Variants in EVI2B observed in about 807,000 individuals in gnomAD.
EVI2B encodes ecotropic viral integration site 2B.
A neutral mutation model predicts 6.6 loss-of-function variants in EVI2B; 4 were observed. The observed-to-expected ratio is 0.61, with a 90% CI of 0.30 to 1.39. EVI2B has a LOEUF of 1.39. EVI2B is among the 40% of genes most tolerant of loss of function. The pLI is 0.08. For synonymous variants in EVI2B, 181 were observed against 186.8 expected (o/e 0.97, Z 0.25); for missense variants, 484 against 516.6 (o/e 0.94, Z 0.61).
Position 31,304,049 on chromosome 17 carries a change from T to G in EVI2B, c.*214A>C. 2 of 452,238 alleles carry G rather than the reference T, an allele frequency of 4.4e-6. No individual in the cohort carries two copies. The highest frequency in any genetic ancestry group is 7.8e-6 in the Non-Finnish European group (2 of 257,614). 28.0% of individuals were successfully genotyped at this position (452,238 alleles called of 1,614,324 possible). A position where few individuals can be genotyped will look rare whatever the true frequency, so the allele number is the denominator to read the frequency against. On this transcript the variant is annotated 3_prime_UTR_variant, in exon 2 of 2. Transcript: ENST00000330927. ...TACATATGTAAAATGTACTATACTT[T>G]AAAGATAGGTACTATAATTAGTAAA... is the stretch of plus-strand genomic sequence containing the variant.
chr17:31,307,343 T>C (rs769157236), intron 1 of EVI2B, among the ~76,000 whole-genome samples: 10 of 152,174 alleles, frequency 6.6e-5, no homozygotes, highest in African/African-American at 9.7e-5. Flanking sequence ...TGATAAGCTT[T>C]CTCATAAAAG....
intron 1 of EVI2B, among the ~76,000 whole-genome samples, chr17:31,313,720 A>AAATG (rs1491534857): frequency 2.0e-5 from 2 of 101,186 alleles, no homozygotes; most frequent in Admixed American, 9.0e-5. Flanking sequence ...AAAAAAAAAA[A>AAATG]TATGTGTGTG....
In EVI2B at chr17:31,304,861, G is replaced by GCT. The variant is rs776912312; in HGVS notation, c.748_749insAG (p.Pro250GlnfsTer35). 2 of 1,613,926 alleles carry GCT rather than the reference G, an allele frequency of 1.2e-6. No individual in the cohort carries two copies. Among genetic ancestry groups the GCT allele is most frequent in the South Asian group, 1.1e-5 (1 of 91,078 alleles). ...TCTGATGTTATCCATACAAATGTCA[G>GCT]GGGTTTCTCCATCAGCAAATGGAGA... On this transcript the variant is annotated frameshift_variant, in exon 2 of 2. Coordinates refer to ENST00000330927, the MANE Select transcript of EVI2B (RefSeq NM_006495.4). LOFTEE classifies it high-confidence loss of function.
intron 1 of EVI2B, among the ~76,000 whole-genome samples, chr17:31,312,991 C>T (rs986924243): frequency 5.9e-5 from 9 of 152,018 alleles, no homozygotes; most frequent in South Asian, 4.1e-4. Context: ...GACATAAACA[C>T]GTAGATGATA....
chr17:31,311,566 C>T lies in EVI2B; in HGVS notation c.-22+2413G>A, dbSNP rs187594698. Among the ~76,000 whole-genome samples the T allele has an allele frequency of 2.2e-3, 329 of 152,266 alleles. 1 individual carries two copies. The highest frequency in any genetic ancestry group is 7.4e-3 in the African/African-American group (309 of 41,538). On this transcript the variant is annotated intron_variant, in intron 1 of 1. Coordinates refer to ENST00000330927, the MANE Select transcript of EVI2B (RefSeq NM_006495.4). ...AGGAAAAGTGGAAAGAGAAATTGAC[C>T]TTCAACTACAATAGGAAGTATTTGA...
chr17:31,308,014 G>A (rs946957140), intron 1 of EVI2B: 3 of 913,794 alleles, frequency 3.3e-6, no homozygotes, highest in Non-Finnish European at 1.5e-6. Flanking sequence ...AATAATTCAA[G>A]CCTGAATTTT....
At chr17:31,308,645 T>A (rs543440456) in intron 1 of EVI2B, among the ~76,000 whole-genome samples, 15 of 148,316 alleles carry the variant, frequency 1.0e-4, no homozygotes, top group African/African-American at 2.9e-4. Context: ...CTTTTTTTTT[T>A]ATTTTTCTTC....
At chr17:31,308,574 C>T (rs980938491) in intron 1 of EVI2B, among the ~76,000 whole-genome samples, 35 of 152,312 alleles carry the variant, frequency 2.3e-4, no homozygotes, top group Admixed American at 2.0e-3. Context: ...TTTCTAAACA[C>T]ACGATTTTTC....
chr17:31,304,540 T>C lies in EVI2B; in HGVS notation c.1070A>G (p.Lys357Arg). 7 of 1,614,172 alleles carry C rather than the reference T, an allele frequency of 4.3e-6. No homozygotes were observed. The highest frequency in any genetic ancestry group is 5.9e-6 in the Non-Finnish European group (7 of 1,180,016). ...AGGAGATACAATTGTCATTGTGGGT[T>C]TGTCAGATTGGTTACTTTCCTGTCC... ...LEGQESNQSD[K>R]PTMTIVSPLP... Residue 357 changes from lysine to arginine, a missense_variant, in exon 2 of 2, where the codon AAA becomes AGA. By Grantham distance (26) the Lys-to-Arg change is conservative (BLOSUM62 2). Transcript: ENST00000330927.
At chr17:31,307,882 A>G in intron 1 of EVI2B, 1 of 1,289,042 alleles carries the variant, frequency 7.8e-7, no homozygotes, top group Non-Finnish European at 1.0e-6. Flanking sequence ...GGTTTTACAA[A>G]TTACCTTTTC....
At chr17:31,310,020 A>G (rs1202265649) in intron 1 of EVI2B, among the ~76,000 whole-genome samples, 1 of 152,212 alleles carries the variant, frequency 6.6e-6, no homozygotes, top group Admixed American at 6.5e-5. Context: ...AAGATTTAAA[A>G]GAGGAATAAA....
intron 1 of EVI2B, chr17:31,307,844 T>G: frequency 8.0e-7 from 1 of 1,252,354 alleles, no homozygotes; most frequent in South Asian, 1.2e-5. Context: ...TTAGAGAGAT[T>G]TGATGTTCTG....
rs576000214 is a variant in EVI2B, at chr17:31,308,612, T to A, written c.-21-2982A>T. Among the ~76,000 whole-genome samples the A allele has an allele frequency of 4.7e-5, 7 of 149,080 alleles. No homozygotes were observed. In the Admixed American group the frequency reaches 4.7e-4, roughly 10 times the overall value. ...TGCTAAACAGACACTTCTATGCTGT[T>A]TTTTACCCTTCTCAAGGGTGTTCTT... is the stretch of plus-strand genomic sequence containing the variant. On this transcript the variant is annotated intron_variant, in intron 1 of 1. Transcript: ENST00000330927.
At chr17:31,312,238 A>T (rs375634436) in intron 1 of EVI2B, among the ~76,000 whole-genome samples, 3 of 152,076 alleles carry the variant, frequency 2.0e-5, no homozygotes. Flanking sequence ...GACCAGGCGC[A>T]GTGGTTCCTG....
chr17:31,311,903 G>A (rs999040545), intron 1 of EVI2B, among the ~76,000 whole-genome samples: 25 of 152,254 alleles, frequency 1.6e-4, no homozygotes, highest in African/African-American at 5.5e-4. Context: ...GGAATTACAC[G>A]TAAATAACAC....
rs774069085 is a variant in EVI2B, at chr17:31,305,669, C to T, written c.-21-39G>A. 42 of 1,525,508 alleles carry T rather than the reference C, an allele frequency of 2.8e-5. No homozygotes were observed. In the East Asian group the frequency reaches 3.6e-4, roughly 13 times the overall value. 94.5% of individuals were successfully genotyped at this position (1,525,508 alleles called of 1,614,324 possible). A position where few individuals can be genotyped will look rare whatever the true frequency, so the allele number is the denominator to read the frequency against. ...ATAATGAAAGAGAAAGACAGTTAGG[C>T]GTCATTGGTGTCTAGTTAAAAATTT... On this transcript the variant is annotated intron_variant, in intron 1 of 1. Transcript: ENST00000330927.
chr17:31,305,072 T>A lies in EVI2B; in HGVS notation c.538A>T (p.Ser180Cys). Reference sequence around the variant, plus strand: ...GTATCTAAGATAAATCCTGGTGTACTCCTAGGTGAATTTTTGACAGTTGAT... The same window carrying A: ...GTATCTAAGATAAATCCTGGTGTACACCTAGGTGAATTTTTGACAGTTGAT... ...PTSTVKNSPR[S>C]TPGFILDTTS... The change falls in exon 2 of 2, where the codon AGT becomes TGT. Residue 180 changes from serine to cysteine, a missense_variant. Physicochemically the swap from Ser to Cys is moderately radical, Grantham distance 112 (BLOSUM62 -1). Coordinates refer to ENST00000330927, the MANE Select transcript of EVI2B (RefSeq NM_006495.4). 1 of 1,614,198 alleles carries A rather than the reference T, an allele frequency of 6.2e-7. No homozygotes were observed. The highest frequency in any genetic ancestry group is 8.5e-7 in the Non-Finnish European group (1 of 1,180,036).
intron 1 of EVI2B, among the ~76,000 whole-genome samples, chr17:31,313,050 T>G (rs1395482283): frequency 6.6e-6 from 1 of 152,186 alleles, no homozygotes; most frequent in Non-Finnish European, 1.5e-5. Flanking sequence ...TTTGGCTTAG[T>G]AAGCTTTTAA....
intron 1 of EVI2B, among the ~76,000 whole-genome samples, chr17:31,308,632 G>A (rs971923385): frequency 3.7e-5 from 4 of 108,592 alleles, no homozygotes; most frequent in Non-Finnish European, 9.7e-5. Flanking sequence ...TCTCAAGGGT[G>A]TTCTTTTTTT....
Sources: gnomAD v4.1 joint callset for allele counts (sites outside exome capture counted in the v4.1 genomes callset) on GRCh38, gnomAD v4.1.1 for gene constraint, MANE v1.5 for transcripts, NCBI Gene and HGNC (gene_info 2026-07-23, HGNC 2026-07-21) for gene names.